PRIM2: variants seen among roughly 807,000 people sequenced by gnomAD.
PRIM2 encodes the protein DNA primase subunit 2.
PRIM2 carries 39 observed loss-of-function variants against 67.3 expected under a neutral mutation model. The observed-to-expected ratio is 0.58, with a 90% confidence interval of 0.45 to 0.76. The LOEUF (loss-of-function observed/expected upper bound fraction) is 0.76, where lower values mean the gene tolerates loss of function less well. Among genes scored for constraint, PRIM2 ranks in the 30% least tolerant of loss-of-function variants. The pLI is 0.00. For missense variants in PRIM2, 398 were observed against 598.7 expected, an observed-to-expected ratio of 0.66 and a Z score of 3.50; for synonymous variants, 143 against 198.7, an observed-to-expected ratio of 0.72 and a Z score of 2.36.
intron 7 of PRIM2, among the ~76,000 whole-genome samples, chr6:57,493,081 G>T (rs1469884773): frequency 2.0e-5 from 3 of 152,128 alleles, no homozygotes; most frequent in Non-Finnish European, 4.4e-5. Context: ...AGATAGTTCC[G>T]CCTGGATGCT....
chr6:57,247,901 C>T, the PRIM2 span, among the ~76,000 whole-genome samples: 1 of 151,952 alleles, frequency 6.6e-6, no homozygotes, highest in African/African-American at 2.4e-5. Context: ...TTCTGAAATC[C>T]AGAAAGAATA....
rs1776699560 is a variant in PRIM2 at position 57,613,385 on chromosome 6, G to C, written c.1230+6928G>C. Among the ~76,000 whole-genome samples, 5 of 152,246 alleles carry C rather than the reference G, an allele frequency of 3.3e-5. No homozygotes were observed. In the South Asian group the frequency reaches 6.2e-4, roughly 19 times the overall value. On this transcript the variant is annotated intron_variant, in intron 12 of 13. Transcript: ENST00000615550. ...TTTTTTTCCTTGGATACATTACTTT[G>C]ATTAAAAGTTAGAAAGAAAGTATAA...
At chr6:57,641,568 C>A (rs879229248) in intron 13 of PRIM2, among the ~76,000 whole-genome samples, 81,975 of 151,920 alleles carry the variant, frequency 0.54, 22,666 homozygotes, top group East Asian at 0.69. Context: ...AAAAGTGGGC[C>A]TAGGATATGA....
chr6:57,515,058 A>G (rs1774453340), intron 8 of PRIM2, among the ~76,000 whole-genome samples: 1 of 152,218 alleles, frequency 6.6e-6, no homozygotes, highest in South Asian at 2.1e-4. Flanking sequence ...AATGCAACCA[A>G]CACTAAGCTT....
At chr6:57,456,839 G>A (rs565343590) in intron 7 of PRIM2, among the ~76,000 whole-genome samples, 20 of 152,218 alleles carry the variant, frequency 1.3e-4, no homozygotes, top group East Asian at 1.2e-3. Context: ...GAGGAGCTGC[G>A]TTCCTTTGGA....
the PRIM2 span, among the ~76,000 whole-genome samples, chr6:57,244,117 C>T: frequency 1.6e-3 from 246 of 152,270 alleles, no homozygotes; most frequent in Non-Finnish European, 3.1e-3. Flanking sequence ...GCTTGGAAAA[C>T]GACCAATCAG....
chr6:57,297,295 A>T, the PRIM2 span, among the ~76,000 whole-genome samples: 1 of 152,050 alleles, frequency 6.6e-6, no homozygotes, highest in Non-Finnish European at 1.5e-5. Context: ...TACAAAAATT[A>T]GCCGGGCATG....
chr6:57,243,279 G>T, the PRIM2 span, among the ~76,000 whole-genome samples: 1 of 152,318 alleles, frequency 6.6e-6, no homozygotes, highest in East Asian at 1.9e-4. Flanking sequence ...AGGAGTGTTT[G>T]TGTGCTACTG....
the PRIM2 span, among the ~76,000 whole-genome samples, chr6:57,297,559 TA>T: frequency 6.6e-6 from 1 of 152,214 alleles, no homozygotes; most frequent in Non-Finnish European, 1.5e-5. Context: ...AGAAACAGGA[TA>T]TTTACATAGC....
the PRIM2 span, among the ~76,000 whole-genome samples, chr6:57,287,306 C>A: frequency 6.6e-6 from 1 of 152,156 alleles, no homozygotes; most frequent in Non-Finnish European, 1.5e-5. Context: ...GACACATGCA[C>A]ACGTATGTTT....
At chr6:57,590,327 A>C (rs1776263199) in intron 10 of PRIM2, among the ~76,000 whole-genome samples, 1 of 152,208 alleles carries the variant, frequency 6.6e-6, no homozygotes, top group Non-Finnish European at 1.5e-5. Context: ...CTGTTAAAGA[A>C]AAATAAGAGA....
intron 5 of PRIM2, among the ~76,000 whole-genome samples, chr6:57,360,019 G>A (rs1283983591): frequency 3.3e-5 from 5 of 152,146 alleles, no homozygotes; most frequent in Non-Finnish European, 1.5e-5. Context: ...TAAGGTATAA[G>A]GTATGAGATA....
At chr6:57,452,554 A>C (rs1486118474) in intron 7 of PRIM2, among the ~76,000 whole-genome samples, 4 of 152,088 alleles carry the variant, frequency 2.6e-5, no homozygotes, top group Non-Finnish European at 4.4e-5. Context: ...GCGTTTTTTC[A>C]TGTGTCTTTT....
At chr6:57,452,265 G>A (rs1772581021) in intron 7 of PRIM2, among the ~76,000 whole-genome samples, 2 of 152,158 alleles carry the variant, frequency 1.3e-5, no homozygotes. Context: ...TGTCTTTATA[G>A]CAGCATTATT....
At chr6:57,625,853 C>T (rs1638721729) in intron 12 of PRIM2, among the ~76,000 whole-genome samples, 1 of 152,222 alleles carries the variant, frequency 6.6e-6, no homozygotes, top group South Asian at 2.1e-4. Flanking sequence ...GTGAAGGTCA[C>T]AGCAAGGCAG....
chr6:57,307,220 TAA>T, the PRIM2 span, among the ~76,000 whole-genome samples: 1 of 144,498 alleles, frequency 6.9e-6, no homozygotes, highest in Non-Finnish European at 1.5e-5. Flanking sequence ...TCTCAAAAAA[TAA>T]AAAAAAAATA....
At chr6:57,298,132 T>A in the PRIM2 span, among the ~76,000 whole-genome samples, 1 of 152,056 alleles carries the variant, frequency 6.6e-6, no homozygotes, top group Non-Finnish European at 1.5e-5. Context: ...GAAGCCGAGG[T>A]GGGCAGATCA....
intron 10 of PRIM2, among the ~76,000 whole-genome samples, chr6:57,561,554 TA>T (rs1775630772): frequency 6.6e-6 from 1 of 152,188 alleles, no homozygotes; most frequent in East Asian, 1.9e-4. Flanking sequence ...ACTTTTCTTC[TA>T]TAGTTCCCTC....
chr6:57,615,596 T>C (rs1397246186), intron 12 of PRIM2, among the ~76,000 whole-genome samples: 3 of 152,178 alleles, frequency 2.0e-5, no homozygotes, highest in Admixed American at 6.5e-5. Context: ...CTATGTCCTA[T>C]TTTAATAGAA....
Sources: gnomAD v4.1 joint callset for allele counts (sites outside exome capture counted in the v4.1 genomes callset) on GRCh38, gnomAD v4.1.1 for gene constraint, MANE v1.5 for transcripts, NCBI Gene and HGNC (gene_info 2026-07-23, HGNC 2026-07-21) for gene names.